Variants in NOL4L observed in about 807,000 individuals in gnomAD.
NOL4L encodes the protein nucleolar protein 4-like.
Under a neutral mutation model 64.5 loss-of-function variants are expected in NOL4L, and 7 were observed. The observed-to-expected ratio is 0.11, with a 90% CI of 0.06 to 0.20. NOL4L has a LOEUF of 0.20. Among genes scored for constraint, NOL4L ranks in the 10% least tolerant of loss-of-function variants. NOL4L has a pLI of 1.00. For synonymous variants in NOL4L, 413 were observed against 401.0 expected (o/e 1.03, Z -0.36); for missense variants, 680 against 967.1 (o/e 0.70, Z 3.94).
rs369527139 is a variant in NOL4L at position 32,453,682 on chromosome 20, C to T, written c.1199G>A (p.Arg400Gln). The change falls in exon 7 of 11, where the codon CGG (arginine) becomes CAG (glutamine). Residue 400 changes from arginine (R) to glutamine (Q), a missense_variant. Transcript: ENST00000621426. This position sits in a 1 kb window ranked among gnomAD's most constrained non-coding sequence, Gnocchi z 5.6. Reference protein sequence around the residue: ...SGCPEDLTVGRAPTADDDDDD... With the variant: ...SGCPEDLTVGQAPTADDDDDD... ...GTCGTCATCATCTGCCGTCGGGGCC[C>T]GGCCCACTGTCAGGTCCTCAGGGCA... 22 of 1,570,498 alleles carry T rather than the reference C, an allele frequency of 1.4e-5. No individual in the cohort carries two copies. Among genetic ancestry groups the T allele is most frequent in the South Asian group, 9.3e-5 (8 of 86,228 alleles).
chr20:32,553,741 AAC>A (rs1299154465), intron 1 of NOL4L, among the ~76,000 whole-genome samples: 1 of 152,220 alleles, frequency 6.6e-6, no homozygotes, highest in East Asian at 1.9e-4. Context: ...GGTCTTATGA[AAC>A]TGTCACAGAC....
At chr20:32,540,260 C>T (rs2018630355) in intron 1 of NOL4L, among the ~76,000 whole-genome samples, 2 of 152,232 alleles carry the variant, frequency 1.3e-5, no homozygotes, top group Admixed American at 6.5e-5. Flanking sequence ...GACACACAGT[C>T]TGACACAGCC....
rs1385095068 is a variant in NOL4L, at chr20:32,453,753, G to T, written c.1128C>A (p.Pro376=). ...TGGAATCGTAGCTCCCAGAGCTGTA[G>T]GGGGGGGACTAAAAGGAGGGCAAGA... ...YGVKTTPESP[P]YSSGSYDSIK... Residue 376 remains proline, a synonymous_variant, in exon 7 of 11, where the codon CCC becomes CCA. Transcript: ENST00000621426. This position sits in a 1 kb window ranked among gnomAD's most constrained non-coding sequence, Gnocchi z 5.6. 2.6e-6 allele frequency: 4 copies of T among 1,551,216 alleles called. No individual in the cohort carries two copies. The highest frequency in any genetic ancestry group is 3.9e-5 in the Admixed American group (2 of 51,002).
chr20:32,572,919 C>T (rs745968708), intron 1 of NOL4L, among the ~76,000 whole-genome samples: 17 of 152,214 alleles, frequency 1.1e-4, no homozygotes, highest in Non-Finnish European at 2.1e-4. Flanking sequence ...CTGCCACTGG[C>T]CACGCCACAG....
At chr20:32,575,028 C>T (rs116528259) in intron 1 of NOL4L, among the ~76,000 whole-genome samples, 6 of 152,172 alleles carry the variant, frequency 3.9e-5, no homozygotes, top group East Asian at 1.9e-4. Context: ...AAACCCGTCA[C>T]GCCTTTCTCC....
intron 4 of NOL4L, among the ~76,000 whole-genome samples, chr20:32,488,833 TTCTTTC>T (rs1568648904): frequency 1.1e-4 from 7 of 63,566 alleles, no homozygotes; most frequent in Non-Finnish European, 1.1e-4. Flanking sequence ...TTCTTTTTCT[TTCTTTC>T]TTTCTTTCTT....
intron 10 of NOL4L, among the ~76,000 whole-genome samples, chr20:32,448,441 G>T (rs556213690): frequency 1.3e-5 from 2 of 152,206 alleles, no homozygotes; most frequent in African/African-American, 2.4e-5. Flanking sequence ...TGGTTGTCTG[G>T]GGGGAGAGGT....
chr20:32,584,546 C>T (rs748604108), intron 1 of NOL4L, 24 bp downstream of exon 1: 19 of 1,320,894 alleles, frequency 1.4e-5, no homozygotes, highest in Non-Finnish European at 1.8e-5. Flanking sequence ...GGGACCCGCC[C>T]GCGGCCGCCG....
intron 5 of NOL4L, among the ~76,000 whole-genome samples, chr20:32,467,165 T>C (rs913126453): frequency 3.9e-5 from 6 of 152,198 alleles, no homozygotes; most frequent in African/African-American, 1.4e-4. Context: ...CATGGCACCC[T>C]GAGTACCAGA....
At chr20:32,549,058 C>CTAAG (rs2018766638) in intron 1 of NOL4L, among the ~76,000 whole-genome samples, 1 of 152,154 alleles carries the variant, frequency 6.6e-6, no homozygotes, top group African/African-American at 2.4e-5. Context: ...TAGGCAATGA[C>CTAAG]TTCTTAGATA....
At chr20:32,564,890 T>A (rs557485316) in intron 1 of NOL4L, 3 of 152,328 alleles carry the variant, frequency 2.0e-5, no homozygotes, top group African/African-American at 7.2e-5. Context: ...CAGAGACTTG[T>A]GGGCAGGGCC....
At chr20:32,498,450 T>G (rs534590097) in intron 4 of NOL4L, among the ~76,000 whole-genome samples, 1 of 151,230 alleles carries the variant, frequency 6.6e-6, no homozygotes, top group Non-Finnish European at 1.5e-5. Flanking sequence ...TGATAAATCA[T>G]TCCCTCTCAA....
At chr20:32,468,326 T>C (rs371632442) in intron 5 of NOL4L, among the ~76,000 whole-genome samples, 3 of 152,074 alleles carry the variant, frequency 2.0e-5, no homozygotes, top group African/African-American at 4.8e-5. Context: ...CTTGGGGTCA[T>C]AGGGAGCTTT....
chr20:32,491,962 T>G (rs2016485609), intron 4 of NOL4L, among the ~76,000 whole-genome samples: 1 of 152,046 alleles, frequency 6.6e-6, no homozygotes, highest in African/African-American at 2.4e-5. Flanking sequence ...CAAAAAGAAT[T>G]TAGCTGTGCA....
chr20:32,454,790 G>C (rs985200682), intron 6 of NOL4L, among the ~76,000 whole-genome samples: 2 of 152,232 alleles, frequency 1.3e-5, no homozygotes, highest in Non-Finnish European at 2.9e-5. Context: ...GGAACAGGTG[G>C]CGGTATGGTC....
intron 1 of NOL4L, among the ~76,000 whole-genome samples, chr20:32,529,888 C>T (rs543156941): frequency 1.2e-4 from 18 of 152,340 alleles, no homozygotes; most frequent in African/African-American, 4.1e-4. Flanking sequence ...TCAACCTCCC[C>T]GAGCTTCATT....
chr20:32,576,929 GCTAGGGCACCC>G (rs1980151068), intron 1 of NOL4L, among the ~76,000 whole-genome samples: 1 of 152,150 alleles, frequency 6.6e-6, no homozygotes, highest in Admixed American at 6.5e-5. Flanking sequence ...TGGGTGGAGA[GCTAGGGCACCC>G]CTGCTGCCTT....
Position 32,446,857 on chromosome 20 carries a change from T to TTTTG in NOL4L, c.*735_*738dup, listed in dbSNP as rs1491156200. ...CTGTAGAATGGGGTCGGGGTGCCTC[T>TTTTG]TTTGTTTTGCTTTGCCATGGGTGTG... On this transcript the variant is annotated 3_prime_UTR_variant, in exon 11 of 11. Transcript: ENST00000621426. 4.9e-5 allele frequency: 11 copies of TTTTG among 226,502 alleles called. No individual in the cohort carries two copies. The highest frequency in any genetic ancestry group is 2.6e-4 in the African/African-American group (11 of 42,022). 14.0% of individuals were successfully genotyped at this position (226,502 alleles called of 1,614,324 possible).
chr20:32,450,996 G>A (rs531996988), intron 10 of NOL4L, among the ~76,000 whole-genome samples: 13 of 152,290 alleles, frequency 8.5e-5, no homozygotes, highest in Admixed American at 2.6e-4. Flanking sequence ...GGGGGTGGCG[G>A]GGGTCAAGGC....
Sources: allele counts gnomAD v4.1 joint callset (sites outside exome capture counted in the v4.1 genomes callset), GRCh38; gene constraint gnomAD v4.1.1; non-coding constraint Gnocchi (gnomAD v3.1); transcripts MANE v1.5; gene names NCBI Gene and HGNC (gene_info 2026-07-23, HGNC 2026-07-21).